Variants in TRIM49 observed in about 807,000 individuals in gnomAD.
The protein encoded by TRIM49 is tripartite motif containing 49, also known as tripartite motif-containing protein 49.
Under a neutral mutation model 27.4 loss-of-function variants are expected in TRIM49, and 5 were observed. The ratio of observed to expected loss-of-function variants is 0.18; its 90% CI spans 0.10 to 0.38. The LOEUF (loss-of-function observed/expected upper bound fraction) is 0.38. Among genes scored for constraint, TRIM49 ranks in the 10% least tolerant of loss-of-function variants. The pLI is 1.00. For missense variants in TRIM49, 188 were observed against 487.5 expected, an observed-to-expected ratio of 0.39 and a Z score of 5.79; for synonymous variants, 69 against 166.0, an observed-to-expected ratio of 0.42 and a Z score of 4.49.
chr11:89,769,928 A>C, the TRIM49 span, among the ~76,000 whole-genome samples: 1 of 126,698 alleles, frequency 7.9e-6, no homozygotes, highest in Admixed American at 7.5e-5. Context: ...CATGTTTAGA[A>C]GCCACAGTTC....
At chr11:89,791,716 C>T in the TRIM49 span, among the ~76,000 whole-genome samples, 1 of 152,160 alleles carries the variant, frequency 6.6e-6, no homozygotes, top group African/African-American at 2.4e-5. Context: ...CACCACCAGG[C>T]CTGCCCTAAA....
At chr11:89,801,433 T>C (rs1949736819) in intron 5 of TRIM49, among the ~76,000 whole-genome samples, 1 of 147,530 alleles carries the variant, frequency 6.8e-6, no homozygotes, top group Admixed American at 6.7e-5. Flanking sequence ...CCAAAGTATA[T>C]TATTGAATTA....
At chr11:89,783,797 C>G in the TRIM49 span, among the ~76,000 whole-genome samples, 2 of 145,526 alleles carry the variant, frequency 1.4e-5, no homozygotes, top group African/African-American at 5.4e-5. Context: ...CTAACAAAGA[C>G]CACAAATTTG....
the TRIM49 span, among the ~76,000 whole-genome samples, chr11:89,773,882 A>C: frequency 7.3e-6 from 1 of 136,726 alleles, no homozygotes; most frequent in Non-Finnish European, 1.5e-5. Context: ...GGTTGCAGTG[A>C]GCTAAGACCA....
chr11:89,807,018 GATA>G (rs1247453383), intron 2 of TRIM49, 78 bp downstream of exon 2: 1 of 149,822 alleles, frequency 6.7e-6, no homozygotes, highest in African/African-American at 2.4e-5. Context: ...GTAGATTTCA[GATA>G]ATGAGATATT....
intron 1 of TRIM49, among the ~76,000 whole-genome samples, chr11:89,808,223 A>T (rs1201660563): frequency 1.9e-4 from 8 of 42,966 alleles, no homozygotes; most frequent in Admixed American, 1.6e-3. Context: ...ATTTTTTTTA[A>T]AAAAGAGATT....
intron 6 of TRIM49, 83 bp downstream of exon 6, chr11:89,800,883 T>C: frequency 1.2e-6 from 1 of 811,838 alleles, no homozygotes; most frequent in Non-Finnish European, 1.9e-6. Flanking sequence ...ATCTTAATTA[T>C]TTATGCCATG....
rs1949766942 is a variant in TRIM49 at position 89,804,263 on chromosome 11, A to T, written c.207T>A (p.His69Gln). ...TGGCAAGAGAAGCCATCTTCTTCAA[A>T]TGAATGTTGGTTTTGAGGTTTATCT... ...TEQINLKTNI[H>Q]LKKMASLARK... Residue 69 changes from histidine (H) to glutamine (Q), a missense_variant, in exon 3 of 8, where the codon CAT becomes CAA. His to Gln is a conservative substitution (Grantham distance 24). This residue lies in a region of TRIM49 where 37 missense variants were observed against 52.4 expected (regional missense o/e 0.71). Coordinates refer to ENST00000329758, the MANE Select transcript of TRIM49 (RefSeq NM_020358.2). 1.2e-6 allele frequency: 2 copies of T among 1,612,114 alleles called. No individual in the cohort carries two copies. The highest frequency in any genetic ancestry group is 1.3e-5 in the African/African-American group (1 of 74,260).
chr11:89,790,591 C>T, the TRIM49 span, among the ~76,000 whole-genome samples: 54 of 152,090 alleles, frequency 3.6e-4, 4 homozygotes, highest in African/African-American at 1.3e-3. Flanking sequence ...TGCTGTTCAG[C>T]AATATTCACT....
downstream of TRIM49, among the ~76,000 whole-genome samples, chr11:89,796,814 C>T (rs1354724143): frequency 6.6e-6 from 1 of 152,032 alleles, no homozygotes; most frequent in Non-Finnish European, 1.5e-5. Context: ...TTTAGCTATT[C>T]TACGGTTGAA....
chr11:89,799,984 C>G (rs1326044353), intron 6 of TRIM49, among the ~76,000 whole-genome samples, 171 bp from the exon 7 acceptor site: 2 of 150,868 alleles, frequency 1.3e-5, no homozygotes, highest in African/African-American at 4.9e-5. Flanking sequence ...AATTTTAAAG[C>G]ATGATGGAAG....
the TRIM49 span, chr11:89,768,673 C>G: frequency 7.6e-6 from 3 of 397,108 alleles, no homozygotes; most frequent in Non-Finnish European, 9.9e-6. Context: ...CACACAAACA[C>G]ATAAGTACAC....
chr11:89,802,580 C>T (rs1182282390), intron 4 of TRIM49, among the ~76,000 whole-genome samples: 5 of 147,156 alleles, frequency 3.4e-5, no homozygotes, highest in East Asian at 2.0e-4. Context: ...CAAACACACA[C>T]ACATACATAC....
intron 6 of TRIM49, among the ~76,000 whole-genome samples, chr11:89,800,763 A>G (rs1249818364): frequency 1.3e-5 from 2 of 150,654 alleles, no homozygotes; most frequent in African/African-American, 5.0e-5. Context: ...CAAAAGCAGG[A>G]ATCAAATTGT....
At chr11:89,798,689 T>G (rs1949713144) in intron 7 of TRIM49, 60 bp from the exon 8 acceptor site, 22 of 1,416,640 alleles carry the variant, frequency 1.6e-5, no homozygotes, top group Non-Finnish European at 1.9e-5. Flanking sequence ...AAAAAATAAT[T>G]GTTCTATCAA....
At chr11:89,793,271 C>T (rs938737281), downstream of TRIM49, among the ~76,000 whole-genome samples, 7 of 152,014 alleles carry the variant, frequency 4.6e-5, no homozygotes, top group Non-Finnish European at 1.0e-4. Context: ...AGTCCGGGTC[C>T]GGATGGATTC....
the TRIM49 span, chr11:89,787,717 G>T: frequency 8.9e-7 from 1 of 1,125,166 alleles, no homozygotes; most frequent in Admixed American, 2.0e-5. Context: ...GCGGCCACCT[G>T]CGGATACCCA....
chr11:89,782,120 A>G, the TRIM49 span: 134 of 1,551,176 alleles, frequency 8.6e-5, 1 homozygote, highest in African/African-American at 1.6e-3. Flanking sequence ...AACAGCAGAT[A>G]CCAATATCGT....
At chr11:89,783,880 T>C in the TRIM49 span, among the ~76,000 whole-genome samples, 3 of 143,456 alleles carry the variant, frequency 2.1e-5, no homozygotes, top group South Asian at 2.2e-4. Context: ...AAAACTGACA[T>C]CTTCAACCAG....
Sources: allele counts gnomAD v4.1 joint callset (sites outside exome capture counted in the v4.1 genomes callset), GRCh38; gene constraint gnomAD v4.1.1; regional missense constraint gnomAD v4.1.1; transcripts MANE v1.5; gene names NCBI Gene and HGNC (gene_info 2026-07-23, HGNC 2026-07-21).